PDSS2: variants seen among roughly 807,000 people sequenced by gnomAD.
PDSS2 encodes the protein decaprenyl diphosphate synthase subunit 2, also known as all trans-polyprenyl-diphosphate synthase PDSS2.
Under a neutral mutation model 44.5 loss-of-function variants are expected in PDSS2, and 31 were observed. That is an observed-to-expected ratio of 0.70 (90% CI 0.52 to 0.94). The LOEUF is 0.94. Ranked by LOEUF, PDSS2 falls within the 40% of genes least tolerant of loss-of-function variation. PDSS2 has a pLI of 0.00. For missense variants in PDSS2, 452 were observed against 482.2 expected, an observed-to-expected ratio of 0.94 and a Z score of 0.59; for synonymous variants, 157 against 180.3, an observed-to-expected ratio of 0.87 and a Z score of 1.03.
At chr6:107,373,553 C>T (rs1378330175) in intron 1 of PDSS2, among the ~76,000 whole-genome samples, 2 of 152,218 alleles carry the variant, frequency 1.3e-5, no homozygotes, top group South Asian at 2.1e-4. Flanking sequence ...TGTATTCTCA[C>T]ACATTCCTCC....
intron 2 of PDSS2, among the ~76,000 whole-genome samples, chr6:107,323,618 G>A (rs1196189469): frequency 2.6e-5 from 4 of 152,148 alleles, no homozygotes; most frequent in African/African-American, 9.6e-5. Flanking sequence ...GATGCCTTCC[G>A]TATGAGTTCA....
chr6:107,289,830 C>T (rs1477720815), intron 2 of PDSS2, among the ~76,000 whole-genome samples: 1 of 152,144 alleles, frequency 6.6e-6, no homozygotes, highest in Non-Finnish European at 1.5e-5. Flanking sequence ...GCCCATGAGG[C>T]CAAGTAGTGC....
At position 107,314,283 on chromosome 6, in the gene PDSS2, C is replaced by T. The variant is rs150289538; in HGVS notation, c.431+19915G>A. Among the ~76,000 whole-genome samples the T allele has an allele frequency of 2.6e-3, 393 of 152,216 alleles. 2 individuals are homozygous for T. Among genetic ancestry groups the T allele is most frequent in the African/African-American group, 8.5e-3 (352 of 41,528 alleles). On this transcript the variant is annotated intron_variant, in intron 2 of 7. Transcript: ENST00000369037. ...TACTGATAAAACAGCACCAATCCTT[C>T]AGGGAAGCTCCAAATACTCTATGAC...
At chr6:107,253,788 T>C (rs553919256) in intron 3 of PDSS2, among the ~76,000 whole-genome samples, 2 of 152,272 alleles carry the variant, frequency 1.3e-5, no homozygotes, top group South Asian at 4.1e-4. Context: ...CAAATAGTCA[T>C]TTATTGATCA....
At chr6:107,356,797 C>A (rs1380342776) in intron 1 of PDSS2, among the ~76,000 whole-genome samples, 2 of 152,162 alleles carry the variant, frequency 1.3e-5, no homozygotes, top group African/African-American at 4.8e-5. Flanking sequence ...TAAACCATGA[C>A]AATACCAGAG....
Position 107,398,042 on chromosome 6 carries a change from T to C in PDSS2, c.296+60948A>G, listed in dbSNP as rs1370434619. On this transcript the variant is annotated intron_variant, in intron 1 of 7. Coordinates refer to ENST00000369037, the MANE Select transcript of PDSS2 (RefSeq NM_020381.4). ...AATGTAATAAAGTTCAAAAAGTACA[T>C]TGACATGGTTTCAGATTCCACTCTG... is the stretch of plus-strand genomic sequence containing the variant. 4.6e-5 allele frequency among the ~76,000 whole-genome samples: 7 copies of C among 152,178 alleles called. No individual in the cohort carries two copies. The East Asian group carries it at 1.2e-3, about 25-fold the overall frequency.
rs1371145825 is a variant in PDSS2, at chr6:107,163,032, ATTTG to A, written c.1042-8259_1042-8256del. On this transcript the variant is annotated intron_variant, in intron 7 of 7. Transcript: ENST00000369037. The stretch of plus-strand genomic sequence containing the variant: ...ATGATAAATCCAGTTCATAAATCAC[ATTTG>A]TTTGTTATGACACTTTAATCTTTTT... 2.6e-5 allele frequency among the ~76,000 whole-genome samples: 4 copies of A among 152,132 alleles called. No individual in the cohort carries two copies. In the East Asian group the frequency reaches 7.7e-4, roughly 29 times the overall value.
chr6:107,362,496 G>A (rs1001253529), intron 1 of PDSS2, among the ~76,000 whole-genome samples: 2 of 152,220 alleles, frequency 1.3e-5, no homozygotes, highest in Non-Finnish European at 2.9e-5. Flanking sequence ...ACTGCACATT[G>A]TGAAGGATAC....
chr6:107,239,045 G>T (rs932841558), intron 4 of PDSS2, among the ~76,000 whole-genome samples: 1 of 152,192 alleles, frequency 6.6e-6, no homozygotes, highest in Non-Finnish European at 1.5e-5. Context: ...GGGAGGCTGA[G>T]GTGGGAGGAT....
chr6:107,429,996 T>C (rs1013972479), intron 1 of PDSS2, among the ~76,000 whole-genome samples: 2 of 144,838 alleles, frequency 1.4e-5, no homozygotes, highest in Non-Finnish European at 3.0e-5. Flanking sequence ...GTCTCCCCTT[T>C]ACTCTTGACA....
At chr6:107,165,319 T>A (rs527747563) in intron 7 of PDSS2, among the ~76,000 whole-genome samples, 1 of 152,374 alleles carries the variant, frequency 6.6e-6, no homozygotes, top group South Asian at 2.1e-4. Flanking sequence ...AAATCTTTAA[T>A]CCATCTTGAA....
intron 1 of PDSS2, among the ~76,000 whole-genome samples, chr6:107,385,718 A>G (rs527650749): frequency 4.7e-4 from 71 of 152,246 alleles, no homozygotes; most frequent in African/African-American, 1.7e-3. Flanking sequence ...CTAAAAGCTG[A>G]ACATCTTTTT....
chr6:107,211,290 TAGAG>T (rs1773194832), intron 5 of PDSS2, among the ~76,000 whole-genome samples: 2 of 151,666 alleles, frequency 1.3e-5, no homozygotes, highest in Admixed American at 6.6e-5. Context: ...ATTATATATA[TAGAG>T]AGAGGCAACA....
At chr6:107,441,953 T>A (rs1469561014) in intron 1 of PDSS2, among the ~76,000 whole-genome samples, 1 of 152,118 alleles carries the variant, frequency 6.6e-6, no homozygotes, top group South Asian at 2.1e-4. Context: ...GGACTTTGAA[T>A]CTTGAGCAGC....
chr6:107,198,800 TAACAACAAC>T (rs35128756), intron 6 of PDSS2, among the ~76,000 whole-genome samples: 43,129 of 149,270 alleles, frequency 0.29, 6,381 homozygotes, highest in East Asian at 0.48. Context: ...CTACAAACAA[TAACAACAAC>T]AACAACAACA....
intron 7 of PDSS2, 105 bp downstream of exon 7, chr6:107,193,717 C>A: frequency 1.3e-6 from 1 of 782,892 alleles, no homozygotes; most frequent in Admixed American, 1.8e-5. Context: ...AAATGTCCTT[C>A]AGCTCTCAAT....
chr6:107,343,117 T>C (rs1778131358), intron 1 of PDSS2, among the ~76,000 whole-genome samples: 1 of 152,176 alleles, frequency 6.6e-6, no homozygotes, highest in Non-Finnish European at 1.5e-5. Flanking sequence ...GTCTTACTAT[T>C]TTATTACCCC....
At chr6:107,160,250 AC>A (rs1771075298) in intron 7 of PDSS2, among the ~76,000 whole-genome samples, 1 of 152,106 alleles carries the variant, frequency 6.6e-6, no homozygotes, top group Non-Finnish European at 1.5e-5. Context: ...AAACAAAAAA[AC>A]ACAAAGAACA....
In PDSS2 at chr6:107,171,493, G is replaced by T. The variant is rs1391596955; in HGVS notation, c.1042-16716C>A. ...TTGGTTCTAATAGCCATAGATAAAAGACCACAATTTTTTTCAAGTTCTTTT... is the reference window on the plus strand; with the variant it reads ...TTGGTTCTAATAGCCATAGATAAAATACCACAATTTTTTTCAAGTTCTTTT... On this transcript the variant is annotated intron_variant, in intron 7 of 7. Coordinates refer to ENST00000369037, the MANE Select transcript of PDSS2 (RefSeq NM_020381.4). 2.0e-5 allele frequency among the ~76,000 whole-genome samples: 3 copies of T among 151,704 alleles called. No homozygotes were observed. In the East Asian group the frequency reaches 5.9e-4, roughly 30 times the overall value.
Sources: gnomAD v4.1 joint callset for allele counts (sites outside exome capture counted in the v4.1 genomes callset) on GRCh38, gnomAD v4.1.1 for gene constraint, MANE v1.5 for transcripts, NCBI Gene and HGNC (gene_info 2026-07-23, HGNC 2026-07-21) for gene names.